The following ANKHD1 variants were observed in gnomAD, a reference collection of about 807,000 sequenced individuals.
The protein encoded by ANKHD1 is ankyrin repeat and KH domain containing 1.
In ANKHD1, 31 loss-of-function variants were observed where a neutral mutation model predicts 230.5. The ratio of observed to expected loss-of-function variants is 0.13; its 90% CI spans 0.10 to 0.18. The LOEUF (loss-of-function observed/expected upper bound fraction) is 0.18, where lower values mean the gene tolerates loss of function less well. ANKHD1 is among the 10% of genes least tolerant of loss of function. The probability of loss-of-function intolerance (pLI) is 1.00; values close to 1 mark genes in which losing one functional copy is unlikely to be tolerated. For synonymous variants in ANKHD1, 1,074 were observed against 1,117.6 expected (o/e 0.96, Z 0.78); for missense variants, 2,256 against 3,071.3 (o/e 0.73, Z 6.27).
chr5:140,525,834 T>C (rs1426597688), intron 25 of ANKHD1, among the ~76,000 whole-genome samples, 162 bp from the exon 26 acceptor site: 1 of 126,786 alleles, frequency 7.9e-6, no homozygotes, highest in African/African-American at 2.9e-5. Flanking sequence ...AGACTCCATC[T>C]AAAAAAAAAA....
intron 10 of ANKHD1, among the ~76,000 whole-genome samples, chr5:140,465,918 T>C (rs1466298114): frequency 6.6e-6 from 1 of 152,174 alleles, no homozygotes; most frequent in South Asian, 2.1e-4. Flanking sequence ...CTTTGAGTCG[T>C]CTATAAAAAT....
At chr5:140,416,728 T>C (rs1771428125) in intron 1 of ANKHD1, among the ~76,000 whole-genome samples, 1 of 152,104 alleles carries the variant, frequency 6.6e-6, no homozygotes, top group Admixed American at 6.6e-5. Context: ...CAAGTGATCC[T>C]CCCACCTTGG....
Position 140,505,682 on chromosome 5 carries a change from A to G in ANKHD1, c.3263-42A>G, listed in dbSNP as rs2127052331. 6 of 1,562,722 alleles carry G rather than the reference A, an allele frequency of 3.8e-6. No homozygotes were observed. The East Asian group carries it at 6.8e-5, about 18-fold the overall frequency. ...GTAAACAGTGGCTTTAAAATAAAAT[A>G]AAAAACATAAATTTGTTTAAGATTT... On this transcript the variant is annotated intron_variant, in intron 17 of 33. Transcript: ENST00000360839.
chr5:140,467,009 A>C (rs781289741), intron 10 of ANKHD1, among the ~76,000 whole-genome samples: 19 of 152,228 alleles, frequency 1.2e-4, no homozygotes, highest in Non-Finnish European at 2.4e-4. Context: ...TTGTTCTAAC[A>C]TAATTATTCA....
intron 1 of ANKHD1, among the ~76,000 whole-genome samples, chr5:140,434,452 A>G (rs1025877592): frequency 2.7e-5 from 4 of 149,858 alleles, no homozygotes; most frequent in African/African-American, 9.7e-5. Flanking sequence ...CAAATTACAT[A>G]TATGCCATAC....
chr5:140,428,404 C>T (rs1772725020), intron 1 of ANKHD1, among the ~76,000 whole-genome samples: 1 of 152,254 alleles, frequency 6.6e-6, no homozygotes, highest in Non-Finnish European at 1.5e-5. Context: ...GAGGCCGAGG[C>T]TGGCGGATCA....
chr5:140,464,820 A>G (rs1156262949), intron 10 of ANKHD1, 44 bp downstream of exon 10: 5 of 1,542,330 alleles, frequency 3.2e-6, no homozygotes, highest in Non-Finnish European at 4.4e-6. Context: ...TAATGTTAAT[A>G]TCCATTTATA....
At chr5:140,515,093 C>A (rs2127066746) in intron 24 of ANKHD1, among the ~76,000 whole-genome samples, 1 of 152,054 alleles carries the variant, frequency 6.6e-6, no homozygotes, top group South Asian at 2.1e-4. Flanking sequence ...GCCTGGCCGA[C>A]ATGGAGAAAC....
At chr5:140,424,276 T>C (rs1772226913) in intron 1 of ANKHD1, among the ~76,000 whole-genome samples, 1 of 151,566 alleles carries the variant, frequency 6.6e-6, no homozygotes, top group Admixed American at 6.6e-5. Context: ...CACACACACA[T>C]CTATATATAC....
intron 1 of ANKHD1, among the ~76,000 whole-genome samples, chr5:140,431,452 G>C (rs2126899288): frequency 6.6e-6 from 1 of 152,240 alleles, no homozygotes; most frequent in East Asian, 1.9e-4. Flanking sequence ...CAGGACAAAA[G>C]AATTGTAATT....
rs181523866 is a variant in ANKHD1, at chr5:140,435,040, C to T, written c.307-1064C>T. Among the ~76,000 whole-genome samples the T allele has an allele frequency of 1.8e-3, 274 of 152,086 alleles. 2 individuals are homozygous for T. The highest frequency in any genetic ancestry group is 5.9e-3 in the African/African-American group (243 of 41,468). On this transcript the variant is annotated intron_variant, in intron 1 of 33. Transcript: ENST00000360839. ...TTTGTAAGTTGATTTTTGCTTATAC[C>T]ATTCATTCATTTCAACAAGTATGTA...
Position 140,527,739 on chromosome 5 carries a change from A to G in ANKHD1, c.5088-134A>G. 4 of 1,142,706 alleles carry G rather than the reference A, an allele frequency of 3.5e-6. No individual in the cohort carries two copies. The highest frequency in any genetic ancestry group is 4.6e-6 in the Non-Finnish European group (4 of 871,164). The allele number at this position is 1,142,706 out of a possible 1,614,324, so 70.8% of individuals were successfully genotyped here. ...CAAGAGATCAATTTCTAAAATAAAA[A>G]CTTTTAATAATTTCCTCTTTAGCAT... On this transcript the variant is annotated intron_variant, in intron 27 of 33. Coordinates refer to ENST00000360839, the MANE Select transcript of ANKHD1 (RefSeq NM_017747.3). This position sits in a 1 kb window ranked among gnomAD's most constrained non-coding sequence, Gnocchi z 4.5.
In ANKHD1 at chr5:140,485,786, A is replaced by C; in HGVS notation, c.2142+54A>C. On this transcript the variant is annotated intron_variant, in intron 13 of 33. Coordinates refer to ENST00000360839, the MANE Select transcript of ANKHD1 (RefSeq NM_017747.3). This position sits in a 1 kb window ranked among gnomAD's most constrained non-coding sequence, Gnocchi z 4.8. ...TATAAATATTCTTCAACATGATTAG[A>C]AGTTTTTGTTTAAAATCAGTTTTAA... The C allele has an allele frequency of 6.3e-7, 1 of 1,592,724 alleles. No homozygotes were observed. The highest frequency in any genetic ancestry group is 8.5e-7 in the Non-Finnish European group (1 of 1,174,922).
rs1355690685 is a variant in ANKHD1, at chr5:140,402,249, C to G, written c.282C>G (p.Gly94=). 6.6e-7 allele frequency: 1 copy of G among 1,504,026 alleles called. No homozygotes were observed. Among genetic ancestry groups the G allele is most frequent in the East Asian group, 2.7e-5 (1 of 37,096 alleles). 93.2% of individuals were successfully genotyped at this position (1,504,026 alleles called of 1,614,324 possible). ...CCGGGGGTGGAGGTGGTGCCTCTGG[C>G]AGTGACGAGGACGAAGTGTCCGAGG... ...LRTGGGGGAS[G]SDEDEVSEVE... is the part of the protein sequence containing the mutation. Residue 94 remains glycine (G), a synonymous_variant, in exon 1 of 34, where the codon GGC becomes GGG. Coordinates refer to ENST00000360839, the MANE Select transcript of ANKHD1 (RefSeq NM_017747.3).
At chr5:140,479,953 C>CAT (rs906001545) in intron 10 of ANKHD1, among the ~76,000 whole-genome samples, 1 of 150,062 alleles carries the variant, frequency 6.7e-6, no homozygotes, top group Non-Finnish European at 1.5e-5. Flanking sequence ...GGGGATTTTC[C>CAT]ATATATACAT....
At position 140,419,800 on chromosome 5, in the gene ANKHD1, TTCTTTCTTTCTTTC is replaced by T. The variant is rs1278188431; in HGVS notation, c.307-16302_307-16289del. Reference sequence around the variant, plus strand: ...TTTCTTTCTTTCTTTCTTTCTTTCTTTCTTTCTTTCTTTCTTTCTTTCTTTCTTTCTTTCTTTTT... The same window carrying T: ...TTTCTTTCTTTCTTTCTTTCTTTCTTTTTCTTTCTTTCTTTCTTTCTTTTT... On this transcript the variant is annotated intron_variant, in intron 1 of 33. Transcript: ENST00000360839. Among the ~76,000 whole-genome samples the T allele has an allele frequency of 1.9e-4, 17 of 88,824 alleles. 1 individual carries two copies. Among genetic ancestry groups the T allele is most frequent in the African/African-American group, 5.5e-4 (17 of 30,892 alleles). 58.3% of individuals were successfully genotyped at this position (88,824 alleles called of 152,430 possible).
chr5:140,505,083 T>C lies in ANKHD1; in HGVS notation c.3151-39T>C, dbSNP rs777676207. The C allele has an allele frequency of 5.0e-6, 8 of 1,604,404 alleles. No homozygotes were observed. In the Admixed American group the frequency reaches 1.4e-4, roughly 28 times the overall value. ...TATTTGCTCTTAAATTGATAACTTC[T>C]GTTAAAAAAAATTTTAACTTATTTT... is the stretch of plus-strand genomic sequence containing the variant. On this transcript the variant is annotated intron_variant, in intron 16 of 33. Coordinates refer to ENST00000360839, the MANE Select transcript of ANKHD1 (RefSeq NM_017747.3).
chr5:140,522,272 A>G (rs1753385470), intron 24 of ANKHD1, among the ~76,000 whole-genome samples: 1 of 152,216 alleles, frequency 6.6e-6, no homozygotes, highest in African/African-American at 2.4e-5. Context: ...AAATTCATCC[A>G]TGTTATAGCC....
At position 140,438,633 on chromosome 5, in the gene ANKHD1, C is replaced by G. The variant is rs1321671948; in HGVS notation, c.617+16C>G. On this transcript the variant is annotated intron_variant, in intron 3 of 33. Coordinates refer to ENST00000360839, the MANE Select transcript of ANKHD1 (RefSeq NM_017747.3). ...AAGTGGACACGTATGTGTTTAATGACTTTTGGATATTAGACATTTTCTTGA... is the reference window on the plus strand; with the variant it reads ...AAGTGGACACGTATGTGTTTAATGAGTTTTGGATATTAGACATTTTCTTGA... 2.6e-6 allele frequency: 4 copies of G among 1,538,914 alleles called. No homozygotes were observed. Among genetic ancestry groups the G allele is most frequent in the South Asian group, 1.2e-5 (1 of 80,958 alleles).
Sources: allele counts gnomAD v4.1 joint callset (sites outside exome capture counted in the v4.1 genomes callset), GRCh38; gene constraint gnomAD v4.1.1; non-coding constraint Gnocchi (gnomAD v3.1); transcripts MANE v1.5; gene names NCBI Gene and HGNC (gene_info 2026-07-23, HGNC 2026-07-21).